The following DDR2 variants were observed in gnomAD, a reference collection of about 807,000 sequenced individuals.
The protein encoded by DDR2 is discoidin domain-containing receptor 2.
A neutral mutation model predicts 94.9 loss-of-function variants in DDR2; 27 were observed. The ratio of observed to expected loss-of-function variants is 0.28; its 90% confidence interval spans 0.21 to 0.39. DDR2 has a LOEUF of 0.39. Among genes scored for constraint, DDR2 ranks in the 10% least tolerant of loss-of-function variants. DDR2 has a pLI of 1.00. For missense variants in DDR2, 783 were observed against 1,076.0 expected, an observed-to-expected ratio of 0.73 and a Z score of 3.81; for synonymous variants, 382 against 377.2, an observed-to-expected ratio of 1.01 and a Z score of -0.15.
At chr1:162,658,292 C>G (rs1658109217) in intron 2 of DDR2, among the ~76,000 whole-genome samples, 1 of 152,126 alleles carries the variant, frequency 6.6e-6, no homozygotes, top group Non-Finnish European at 1.5e-5. Flanking sequence ...GGATGGCGGT[C>G]TGGCTGTGAC....
At chr1:162,780,049 C>T (rs2102210706) in intron 17 of DDR2, 63 bp from the exon 18 acceptor site, 2 of 1,608,806 alleles carry the variant, frequency 1.2e-6, no homozygotes, top group Non-Finnish European at 1.7e-6. Context: ...CTTCCCTTTC[C>T]CCCGTCTTTG....
chr1:162,749,966 C>T (rs951155213), intron 3 of DDR2, among the ~76,000 whole-genome samples: 1 of 152,216 alleles, frequency 6.6e-6, no homozygotes, highest in Admixed American at 6.5e-5. Context: ...AACAGCCCTT[C>T]ATGCTAAAAG....
At chr1:162,718,720 T>C (rs961513615) in intron 2 of DDR2, among the ~76,000 whole-genome samples, 3 of 152,232 alleles carry the variant, frequency 2.0e-5, no homozygotes, top group Non-Finnish European at 4.4e-5. Context: ...ATGATAAATA[T>C]AAGTTTTACT....
At chr1:162,737,221 A>G (rs1422050670) in intron 3 of DDR2, among the ~76,000 whole-genome samples, 1 of 147,528 alleles carries the variant, frequency 6.8e-6, no homozygotes, top group Non-Finnish European at 1.5e-5. Context: ...GGTTAGTTAC[A>G]TATGTATACA....
At chr1:162,646,703 T>C (rs941546507) in intron 1 of DDR2, among the ~76,000 whole-genome samples, 3 of 152,226 alleles carry the variant, frequency 2.0e-5, no homozygotes, top group Non-Finnish European at 4.4e-5. Context: ...GTCTTTTCCA[T>C]TGGGCCAGTG....
chr1:162,741,795 G>A, intron 3 of DDR2: 1 of 974,214 alleles, frequency 1.0e-6, no homozygotes. Context: ...ACCTGGGCAT[G>A]TAGCCCAGGT....
intron 7 of DDR2, among the ~76,000 whole-genome samples, chr1:162,758,271 C>T (rs975105660): frequency 6.6e-6 from 1 of 152,148 alleles, no homozygotes; most frequent in Non-Finnish European, 1.5e-5. Context: ...GAGATCCTCT[C>T]AGCCACTGAG....
At chr1:162,756,081 A>G (rs754175406) in intron 7 of DDR2, among the ~76,000 whole-genome samples, 1 of 152,216 alleles carries the variant, frequency 6.6e-6, no homozygotes, top group Non-Finnish European at 1.5e-5. Flanking sequence ...GTAGTCTGAC[A>G]CAAATATTGA....
At chr1:162,719,927 A>G (rs1328272765) in intron 3 of DDR2, among the ~76,000 whole-genome samples, 2 of 151,998 alleles carry the variant, frequency 1.3e-5, no homozygotes, top group African/African-American at 4.8e-5. Flanking sequence ...GTTCTGTTTC[A>G]TCCTCCTGCA....
chr1:162,773,648 A>G, intron 14 of DDR2, 52 bp downstream of exon 14: 1 of 1,609,820 alleles, frequency 6.2e-7, no homozygotes, highest in South Asian at 1.1e-5. Context: ...CTTTAGGACC[A>G]GGAATACTCC....
At chr1:162,634,892 G>T (rs960200105) in intron 1 of DDR2, among the ~76,000 whole-genome samples, 1 of 152,154 alleles carries the variant, frequency 6.6e-6, no homozygotes. Flanking sequence ...CTTGTCACTG[G>T]CAGGCACATC....
intron 1 of DDR2, among the ~76,000 whole-genome samples, chr1:162,650,289 T>TA (rs66715052): frequency 1.4e-5 from 2 of 143,852 alleles, no homozygotes; most frequent in African/African-American, 5.0e-5. Context: ...TCCTCCACGT[T>TA]AAAAAAAAAA....
intron 4 of DDR2, among the ~76,000 whole-genome samples, chr1:162,754,400 G>A (rs543492355): frequency 2.6e-5 from 4 of 152,298 alleles, no homozygotes; most frequent in African/African-American, 7.2e-5. Flanking sequence ...GTGATCTGAA[G>A]GCCTCAGCTC....
intron 3 of DDR2, among the ~76,000 whole-genome samples, chr1:162,736,795 C>T (rs1189234445): frequency 6.6e-6 from 1 of 152,196 alleles, no homozygotes; most frequent in East Asian, 1.9e-4. Context: ...CTTTTCTCAA[C>T]TCTATGAAGA....
intron 2 of DDR2, among the ~76,000 whole-genome samples, chr1:162,685,858 G>C (rs544593301): frequency 4.8e-4 from 73 of 152,190 alleles, no homozygotes; most frequent in Non-Finnish European, 9.7e-4. Context: ...CAGAGGCTAA[G>C]TGATTTGCCC....
rs780511808 is a variant in DDR2, at chr1:162,693,422, C to T, written c.-27-25615C>T. On this transcript the variant is annotated intron_variant, in intron 2 of 17. Coordinates refer to ENST00000367921, the MANE Select transcript of DDR2 (RefSeq NM_006182.4). ...AACCGCCTTTGTGTTTTTCTTTTGA[C>T]GTTTTCTATCTTTATGAGTTTATTC... is the stretch of plus-strand genomic sequence containing the variant. 5.3e-5 allele frequency among the ~76,000 whole-genome samples: 8 copies of T among 152,210 alleles called. No individual in the cohort carries two copies. In the South Asian group the frequency reaches 8.3e-4, roughly 16 times the overall value.
intron 2 of DDR2, among the ~76,000 whole-genome samples, chr1:162,698,216 A>G (rs1660274718): frequency 6.6e-6 from 1 of 152,206 alleles, no homozygotes; most frequent in Non-Finnish European, 1.5e-5. Context: ...GATCAGACAA[A>G]TGGCAATGCT....
intron 2 of DDR2, among the ~76,000 whole-genome samples, chr1:162,694,181 C>T (rs938231188): frequency 6.6e-6 from 1 of 152,044 alleles, no homozygotes; most frequent in Non-Finnish European, 1.5e-5. Flanking sequence ...CCATTTTTTT[C>T]TCTTCTGATT....
intron 10 of DDR2, among the ~76,000 whole-genome samples, chr1:162,766,952 C>CTGGGAGGGGGAGGTTT: frequency 6.6e-6 from 1 of 150,844 alleles, no homozygotes; most frequent in East Asian, 2.0e-4. Flanking sequence ...TTGCTTGAAC[C>CTGGGAGGGGGAGGTTT]TGGGAGGGGG....
Sources: allele counts gnomAD v4.1 joint callset (sites outside exome capture counted in the v4.1 genomes callset), GRCh38; gene constraint gnomAD v4.1.1; transcripts MANE v1.5; gene names NCBI Gene and HGNC (gene_info 2026-07-23, HGNC 2026-07-21).